The following CSMD1 variants were observed in gnomAD, a reference collection of about 807,000 sequenced individuals.
CSMD1 encodes the protein CUB and sushi domain-containing protein 1.
Under a neutral mutation model 417.5 loss-of-function variants are expected in CSMD1, and 213 were observed. The observed-to-expected ratio is 0.51, with a 90% CI of 0.46 to 0.57. CSMD1 has a LOEUF of 0.57. Ranked by LOEUF, CSMD1 falls within the 20% of genes least tolerant of loss-of-function variation. The pLI, the probability that CSMD1 is intolerant of heterozygous loss-of-function variation, is 0.00. For synonymous variants in CSMD1, 2,862 were observed against 1,736.8 expected (o/e 1.65, Z -16.11); for missense variants, 6,923 against 4,529.7 (o/e 1.53, Z -15.17).
At chr8:3,000,279 A>C (rs565369032) in intron 52 of CSMD1, 148 bp from the exon 53 acceptor site, 2 of 414,174 alleles carry the variant, frequency 4.8e-6, no homozygotes, top group African/African-American at 2.1e-5. Flanking sequence ...ATACTTTTAA[A>C]TATAGTTTTT....
chr8:4,698,208 T>C (rs1490445442), intron 1 of CSMD1, among the ~76,000 whole-genome samples: 1 of 151,748 alleles, frequency 6.6e-6, no homozygotes, highest in Non-Finnish European at 1.5e-5. Flanking sequence ...TGTATTAATG[T>C]AATTAAGTAA....
chr8:4,158,060 C>G (rs1796935664), intron 3 of CSMD1, among the ~76,000 whole-genome samples: 2 of 151,744 alleles, frequency 1.3e-5, no homozygotes. Context: ...ACCCCTACCC[C>G]TGCTTCCCCA....
In CSMD1 at chr8:3,151,522, TG is replaced by T. The variant is rs758481173; in HGVS notation, c.5915-10del. 1 of 1,576,520 alleles carries T rather than the reference TG, an allele frequency of 6.3e-7. No homozygotes were observed. Among genetic ancestry groups the T allele is most frequent in the East Asian group, 2.2e-5 (1 of 44,556 alleles). On this transcript the variant is annotated splice_polypyrimidine_tract_variant and intron_variant, in intron 39 of 69. Coordinates refer to ENST00000635120, the MANE Select transcript of CSMD1 (RefSeq NM_033225.6). ...CGTCCCTCCACAGGTTGCTGTTAAG[TG>T]GACAAGATGTCAGTCCTGCAGGTCC...
chr8:4,039,078 A>G (rs566099436), intron 3 of CSMD1, among the ~76,000 whole-genome samples: 1 of 152,268 alleles, frequency 6.6e-6, no homozygotes, highest in African/African-American at 2.4e-5. Context: ...AATATTCATT[A>G]CTACATGGGA....
intron 6 of CSMD1, among the ~76,000 whole-genome samples, chr8:3,731,163 C>T (rs988384237): frequency 2.0e-5 from 3 of 152,274 alleles, no homozygotes; most frequent in Non-Finnish European, 4.4e-5. Context: ...TCTGTTAACA[C>T]TTCCATCATT....
At chr8:4,405,572 A>G (rs1269144455) in intron 3 of CSMD1, among the ~76,000 whole-genome samples, 4 of 152,228 alleles carry the variant, frequency 2.6e-5, no homozygotes, top group Non-Finnish European at 4.4e-5. Flanking sequence ...TCAGAAATAC[A>G]CTATACAAAA....
At chr8:4,130,195 A>T (rs1203769475) in intron 3 of CSMD1, among the ~76,000 whole-genome samples, 1 of 152,098 alleles carries the variant, frequency 6.6e-6, no homozygotes, top group Non-Finnish European at 1.5e-5. Context: ...CTTTCTCTTG[A>T]GTGGCTCAGG....
chr8:3,897,028 G>A (rs540592429), intron 5 of CSMD1, among the ~76,000 whole-genome samples: 8 of 151,574 alleles, frequency 5.3e-5, no homozygotes, highest in African/African-American at 1.9e-4. Flanking sequence ...TTGCTCCCTG[G>A]ATCTAATTTT....
intron 23 of CSMD1, among the ~76,000 whole-genome samples, chr8:3,324,812 G>C (rs115652590): frequency 0.011 from 1,600 of 152,222 alleles, 34 homozygotes; most frequent in African/African-American, 0.037. Context: ...ATTTACTATT[G>C]AATGGTGCTA....
chr8:3,661,278 T>C (rs1043711014), intron 7 of CSMD1, among the ~76,000 whole-genome samples: 1 of 152,160 alleles, frequency 6.6e-6, no homozygotes, highest in African/African-American at 2.4e-5. Flanking sequence ...ACTTCAACCA[T>C]TTATACCCTG....
intron 1 of CSMD1, among the ~76,000 whole-genome samples, chr8:4,905,041 G>A (rs763999259): frequency 6.6e-6 from 1 of 152,106 alleles, no homozygotes; most frequent in East Asian, 1.9e-4. Flanking sequence ...AAAATAGCTG[G>A]GACCTTCTGA....
At chr8:3,561,848 T>G (rs181500635) in intron 10 of CSMD1, among the ~76,000 whole-genome samples, 46 of 152,290 alleles carry the variant, frequency 3.0e-4, no homozygotes, top group Non-Finnish European at 6.3e-4. Context: ...AGGAGAAATG[T>G]ATGGCCCTCC....
Position 3,138,173 on chromosome 8 carries a change from C to T in CSMD1, c.6241+4292G>A, listed in dbSNP as rs190139502. On this transcript the variant is annotated intron_variant, in intron 41 of 69. Coordinates refer to ENST00000635120, the MANE Select transcript of CSMD1 (RefSeq NM_033225.6). ...CCTGGGAGGCAGAGGGTGCAGTGAG[C>T]TGAGATTGTGCCACTGCACTCCAGC... 5.4e-3 allele frequency among the ~76,000 whole-genome samples: 823 copies of T among 152,288 alleles called. 5 individuals are homozygous for T. Among genetic ancestry groups the T allele is most frequent in the Non-Finnish European group, 8.9e-3 (607 of 68,022 alleles).
chr8:4,500,344 C>T (rs531405814), intron 2 of CSMD1, among the ~76,000 whole-genome samples: 3 of 152,252 alleles, frequency 2.0e-5, no homozygotes, highest in Non-Finnish European at 1.5e-5. Flanking sequence ...AGTAGAATCA[C>T]TAAACATATA....
At chr8:3,050,388 G>A (rs903407364) in intron 50 of CSMD1, among the ~76,000 whole-genome samples, 8 of 152,096 alleles carry the variant, frequency 5.3e-5, no homozygotes, top group African/African-American at 1.9e-4. Flanking sequence ...GAAATATTTG[G>A]CAGGAAATAC....
chr8:3,787,870 A>G (rs901987464), intron 5 of CSMD1, among the ~76,000 whole-genome samples: 13 of 152,334 alleles, frequency 8.5e-5, no homozygotes, highest in South Asian at 2.1e-4. Context: ...ACAAAATAGT[A>G]TAAGTATGAG....
At chr8:3,222,247 A>G (rs1460074992) in intron 28 of CSMD1, among the ~76,000 whole-genome samples, 2 of 152,104 alleles carry the variant, frequency 1.3e-5, no homozygotes, top group African/African-American at 4.8e-5. Flanking sequence ...TGCCTTAAAT[A>G]TGCATATCAT....
intron 21 of CSMD1, among the ~76,000 whole-genome samples, chr8:3,352,496 A>C (rs1043042743): frequency 6.6e-6 from 1 of 152,134 alleles, no homozygotes; most frequent in East Asian, 1.9e-4. Flanking sequence ...GAATTTATCT[A>C]ATTTTGTTTT....
intron 12 of CSMD1, among the ~76,000 whole-genome samples, chr8:3,435,381 G>A (rs143066943): frequency 8.7e-4 from 133 of 152,140 alleles, no homozygotes; most frequent in African/African-American, 2.9e-4. Context: ...ACCCAGTCCC[G>A]CCACCTCTCT....
Sources: allele counts gnomAD v4.1 joint callset (sites outside exome capture counted in the v4.1 genomes callset), GRCh38; gene constraint gnomAD v4.1.1; transcripts MANE v1.5; gene names NCBI Gene and HGNC (gene_info 2026-07-23, HGNC 2026-07-21).